The following NAALADL2 variants were observed in gnomAD, a reference collection of about 807,000 sequenced individuals.
The protein encoded by NAALADL2 is inactive N-acetylated-alpha-linked acidic dipeptidase-like protein 2.
NAALADL2 carries 76 observed loss-of-function variants against 87.2 expected under a neutral mutation model. That is an observed-to-expected ratio of 0.87 (90% confidence interval 0.72 to 1.05). NAALADL2 has a LOEUF of 1.05. Ranked by LOEUF, NAALADL2 falls within the 50% of genes least tolerant of loss-of-function variation. The pLI is 0.00. For synonymous variants in NAALADL2, 354 were observed against 331.0 expected, an observed-to-expected ratio of 1.07 and a Z score of -0.75; for missense variants, 1,089 against 945.8, an observed-to-expected ratio of 1.15 and a Z score of -1.99.
intron 10 of NAALADL2, among the ~76,000 whole-genome samples, chr3:175,615,652 G>A (rs1725242564): frequency 6.6e-6 from 1 of 151,870 alleles, no homozygotes; most frequent in African/African-American, 2.4e-5. Flanking sequence ...GAAGTCAGGA[G>A]TTCAAGGCCA....
At chr3:175,521,747 G>A (rs886161605) in intron 9 of NAALADL2, among the ~76,000 whole-genome samples, 8 of 152,220 alleles carry the variant, frequency 5.3e-5, no homozygotes, top group Admixed American at 3.9e-4. Context: ...AGGATTGCAG[G>A]CATCCACCAT....
intron 2 of NAALADL2, among the ~76,000 whole-genome samples, chr3:174,669,338 G>A (rs1726298479): frequency 1.3e-5 from 2 of 151,720 alleles, no homozygotes; most frequent in Non-Finnish European, 2.9e-5. Context: ...TGAGTAGATT[G>A]CAAAAATTTT....
chr3:175,394,415 C>A (rs73186711), intron 5 of NAALADL2, among the ~76,000 whole-genome samples: 1 of 152,048 alleles, frequency 6.6e-6, no homozygotes, highest in South Asian at 2.1e-4. Context: ...CTTAAATATC[C>A]TGACATGATA....
In NAALADL2 at chr3:175,409,847, A is replaced by T. The variant is rs112445657; in HGVS notation, c.1091-37382A>T. Among the ~76,000 whole-genome samples, 654 of 152,180 alleles carry T rather than the reference A, an allele frequency of 4.3e-3. 8 individuals are homozygous for T. Among genetic ancestry groups the T allele is most frequent in the African/African-American group, 0.015 (605 of 41,568 alleles). ...TTATGCATTTGTTAATATAACCTTTATCAGGAAAGTTCAAAATATTAGAGT... is the reference window on the plus strand; with the variant it reads ...TTATGCATTTGTTAATATAACCTTTTTCAGGAAAGTTCAAAATATTAGAGT... On this transcript the variant is annotated intron_variant, in intron 5 of 13. Transcript: ENST00000454872.
intron 5 of NAALADL2, among the ~76,000 whole-genome samples, chr3:175,342,479 T>A (rs1364487496): frequency 1.3e-5 from 2 of 151,510 alleles, no homozygotes; most frequent in Non-Finnish European, 2.9e-5. Flanking sequence ...AGCTGATTAC[T>A]CCCTCCTGGC....
intron 2 of NAALADL2, among the ~76,000 whole-genome samples, chr3:175,118,711 A>G (rs1379217154): frequency 6.6e-6 from 1 of 151,808 alleles, no homozygotes; most frequent in Non-Finnish European, 1.5e-5. Context: ...ATCAGTAAGC[A>G]CTGTCAGAAT....
intron 2 of NAALADL2, among the ~76,000 whole-genome samples, chr3:174,576,298 A>G (rs1715523685): frequency 6.6e-6 from 1 of 152,172 alleles, no homozygotes; most frequent in Non-Finnish European, 1.5e-5. Flanking sequence ...AAGAAGGAAA[A>G]TTACATGAGA....
chr3:174,486,947 C>G (rs926721392), intron 1 of NAALADL2, among the ~76,000 whole-genome samples: 1 of 151,974 alleles, frequency 6.6e-6, no homozygotes, highest in African/African-American at 2.4e-5. Context: ...TTATGCCCAA[C>G]TTTTGGCCAT....
intron 9 of NAALADL2, among the ~76,000 whole-genome samples, chr3:175,488,488 T>C (rs1193927515): frequency 6.6e-6 from 1 of 152,268 alleles, no homozygotes; most frequent in Non-Finnish European, 1.5e-5. Flanking sequence ...CATTCATCTA[T>C]GTGTAAATTA....
chr3:175,783,371 T>C lies in NAALADL2; in HGVS notation c.2190-19634T>C, dbSNP rs1248235433. Among the ~76,000 whole-genome samples, 3 of 151,432 alleles carry C rather than the reference T, an allele frequency of 2.0e-5. No homozygotes were observed. The East Asian group carries it at 5.8e-4, about 29-fold the overall frequency. On this transcript the variant is annotated intron_variant, in intron 13 of 13. Coordinates refer to ENST00000454872, the MANE Select transcript of NAALADL2 (RefSeq NM_207015.3). ...TGTTCTTCCATTTGTTTGTATCCTC[T>C]TTTATTTCCTTGAGCAGTGGTTTGT...
chr3:174,547,476 A>T (rs527274608), intron 1 of NAALADL2, among the ~76,000 whole-genome samples: 1 of 152,264 alleles, frequency 6.6e-6, no homozygotes, highest in Admixed American at 6.5e-5. Flanking sequence ...CAAGAGATGA[A>T]GGTGGTGAGC....
At chr3:175,185,083 A>G (rs1288273062) in intron 2 of NAALADL2, among the ~76,000 whole-genome samples, 2 of 152,098 alleles carry the variant, frequency 1.3e-5, no homozygotes, top group African/African-American at 2.4e-5. Flanking sequence ...TTTCTGAAAC[A>G]TAGCTATTGC....
intron 2 of NAALADL2, among the ~76,000 whole-genome samples, chr3:175,106,090 C>T (rs1297634495): frequency 6.6e-6 from 1 of 151,970 alleles, no homozygotes; most frequent in Non-Finnish European, 1.5e-5. Context: ...CTCCTCAGCC[C>T]CTGTGCATTC....
intron 1 of NAALADL2, among the ~76,000 whole-genome samples, chr3:174,960,617 T>C (rs1405975558): frequency 6.6e-6 from 1 of 152,060 alleles, no homozygotes; most frequent in Non-Finnish European, 1.5e-5. Flanking sequence ...TATCGATAGC[T>C]TTTTTGGGAT....
At chr3:175,645,590 G>A (rs1345956328) in intron 11 of NAALADL2, among the ~76,000 whole-genome samples, 2 of 151,988 alleles carry the variant, frequency 1.3e-5, no homozygotes, top group African/African-American at 4.8e-5. Flanking sequence ...AGAAGAAAAA[G>A]AGTCAAGCAG....
chr3:175,245,500 A>G (rs1747799586), intron 3 of NAALADL2, among the ~76,000 whole-genome samples: 1 of 152,222 alleles, frequency 6.6e-6, no homozygotes, highest in South Asian at 2.1e-4. Context: ...GTTAGATTGT[A>G]AAACTGAAGA....
chr3:174,969,070 A>G (rs957227769), intron 1 of NAALADL2, among the ~76,000 whole-genome samples: 1 of 152,206 alleles, frequency 6.6e-6, no homozygotes, highest in Admixed American at 6.5e-5. Flanking sequence ...TGGAACTGGT[A>G]TGGCTCTGAC....
intron 2 of NAALADL2, among the ~76,000 whole-genome samples, chr3:175,097,671 A>G (rs1721391407): frequency 6.6e-6 from 1 of 152,158 alleles, no homozygotes; most frequent in Admixed American, 6.6e-5. Context: ...TGACATCAGA[A>G]TAAAATAAAC....
At chr3:175,422,393 A>T (rs1715854293) in intron 5 of NAALADL2, among the ~76,000 whole-genome samples, 1 of 152,148 alleles carries the variant, frequency 6.6e-6, no homozygotes, top group Non-Finnish European at 1.5e-5. Flanking sequence ...AGATAATCTT[A>T]AAGCATATCT....
Sources: allele counts gnomAD v4.1 joint callset (sites outside exome capture counted in the v4.1 genomes callset), GRCh38; gene constraint gnomAD v4.1.1; transcripts MANE v1.5; gene names NCBI Gene and HGNC (gene_info 2026-07-23, HGNC 2026-07-21).